The following KCNN2 variants were observed in gnomAD, a reference collection of about 807,000 sequenced individuals.
KCNN2 encodes small conductance calcium-activated potassium channel protein 2.
KCNN2 carries 24 observed loss-of-function variants against 55.5 expected under a neutral mutation model. That is an observed-to-expected ratio of 0.43 (90% confidence interval 0.31 to 0.61). The LOEUF is 0.61. Among genes scored for constraint, KCNN2 ranks in the 20% least tolerant of loss-of-function variants. The pLI, the probability that KCNN2 is intolerant of heterozygous loss-of-function variation, is 0.08. For missense variants in KCNN2, 754 were observed against 853.6 expected, an observed-to-expected ratio of 0.88 and a Z score of 1.45; for synonymous variants, 431 against 336.1, an observed-to-expected ratio of 1.28 and a Z score of -3.09.
intron 5 of KCNN2, among the ~76,000 whole-genome samples, chr5:114,477,100 A>ATTGT (rs1762004209): frequency 6.6e-6 from 1 of 152,192 alleles, no homozygotes; most frequent in Non-Finnish European, 1.5e-5. Flanking sequence ...GTTACTACAT[A>ATTGT]TTGTTAGAGA....
intron 2 of KCNN2, among the ~76,000 whole-genome samples, chr5:114,375,974 A>G (rs956035615): frequency 2.9e-5 from 4 of 139,238 alleles, no homozygotes; most frequent in Admixed American, 2.2e-4. Flanking sequence ...ATATATATAT[A>G]TATGTATTTT....
chr5:114,356,966 G>A (rs1757304579), intron 2 of KCNN2, among the ~76,000 whole-genome samples: 1 of 151,972 alleles, frequency 6.6e-6, no homozygotes, highest in Admixed American at 6.6e-5. Context: ...GTTCAGAGTG[G>A]CGGTGTCTCA....
intron 1 of KCNN2, among the ~76,000 whole-genome samples, chr5:114,057,798 G>C (rs1017724676): frequency 6.6e-6 from 1 of 152,164 alleles, no homozygotes; most frequent in African/African-American, 2.4e-5. Flanking sequence ...TGTATGAAGT[G>C]ATGGTTGTTA....
chr5:114,372,351 A>G (rs1408181554), intron 2 of KCNN2, among the ~76,000 whole-genome samples: 1 of 152,132 alleles, frequency 6.6e-6, no homozygotes, highest in African/African-American at 2.4e-5. Flanking sequence ...CTCATCCATG[A>G]TGTTTGAACT....
intron 1 of KCNN2, among the ~76,000 whole-genome samples, 179 bp from the exon 2 acceptor site, chr5:114,363,727 T>C (rs1008214930): frequency 6.6e-6 from 1 of 151,996 alleles, no homozygotes; most frequent in Admixed American, 6.5e-5. Flanking sequence ...TCTCGTCTCT[T>C]TTGGTTTTGA....
chr5:114,467,433 AATTTGACATTGGGTGTTT>A (rs1761505079), intron 4 of KCNN2, among the ~76,000 whole-genome samples: 1 of 152,192 alleles, frequency 6.6e-6, no homozygotes, highest in Non-Finnish European at 1.5e-5. Context: ...TGTCTTACAC[AATTTGACATTGGGTGTTT>A]AATTTTGAAG....
chr5:114,280,147 G>A (rs1370861987), intron 2 of KCNN2, among the ~76,000 whole-genome samples: 2 of 152,184 alleles, frequency 1.3e-5, no homozygotes, highest in Non-Finnish European at 2.9e-5. Flanking sequence ...TGATGGGGGT[G>A]TTTGAATTAT....
intron 2 of KCNN2, among the ~76,000 whole-genome samples, chr5:114,307,159 T>C (rs1756297011): frequency 6.6e-6 from 1 of 152,210 alleles, no homozygotes; most frequent in Non-Finnish European, 1.5e-5. Flanking sequence ...ATAATAAGAA[T>C]ATTTATTTAC....
At chr5:114,116,888 C>T (rs1430990305) in intron 1 of KCNN2, among the ~76,000 whole-genome samples, 1 of 152,034 alleles carries the variant, frequency 6.6e-6, no homozygotes, top group Non-Finnish European at 1.5e-5. Context: ...TGGACAGTTA[C>T]CCATTTCTGT....
chr5:114,392,806 G>GT (rs70976343), intron 2 of KCNN2, among the ~76,000 whole-genome samples: 200 of 140,484 alleles, frequency 1.4e-3, no homozygotes, highest in Middle Eastern at 7.4e-3. Flanking sequence ...TTTTTGTGGG[G>GT]TTTTTTTTTT....
chr5:114,253,955 A>C (rs1373594371), intron 2 of KCNN2, among the ~76,000 whole-genome samples: 1 of 152,206 alleles, frequency 6.6e-6, no homozygotes, highest in Admixed American at 6.5e-5. Context: ...CCTTTATTTC[A>C]TAAACAATTG....
At chr5:114,371,413 A>G (rs186824953) in intron 2 of KCNN2, among the ~76,000 whole-genome samples, 72 of 152,290 alleles carry the variant, frequency 4.7e-4, no homozygotes, top group Middle Eastern at 3.4e-3. Flanking sequence ...AGTAAGAAGT[A>G]GAAAAAAGAG....
intron 1 of KCNN2, among the ~76,000 whole-genome samples, chr5:114,147,011 TGA>T (rs1162830692): frequency 1.3e-5 from 2 of 152,298 alleles, no homozygotes; most frequent in African/African-American, 2.4e-5. Context: ...CTATATAAGC[TGA>T]GTCAGAGACA....
intron 3 of KCNN2, among the ~76,000 whole-genome samples, chr5:114,453,194 A>G (rs1041288402): frequency 3.3e-5 from 5 of 152,176 alleles, no homozygotes; most frequent in Non-Finnish European, 7.4e-5. Context: ...TGAGCTTACC[A>G]CATAGAAAAC....
intron 1 of KCNN2, among the ~76,000 whole-genome samples, chr5:114,161,999 G>A (rs1044159447): frequency 6.6e-6 from 1 of 152,164 alleles, no homozygotes; most frequent in African/African-American, 2.4e-5. Context: ...TCTTCTCTCA[G>A]CTCATGAAAG....
chr5:114,192,212 G>T (rs758845572), intron 1 of KCNN2, among the ~76,000 whole-genome samples: 1 of 152,004 alleles, frequency 6.6e-6, no homozygotes, highest in Non-Finnish European at 1.5e-5. Flanking sequence ...CTCACATTCC[G>T]TGTCTACCTC....
At chr5:114,378,833 G>A (rs1226053977) in intron 2 of KCNN2, among the ~76,000 whole-genome samples, 1 of 152,086 alleles carries the variant, frequency 6.6e-6, no homozygotes, top group African/African-American at 2.4e-5. Flanking sequence ...GTTTTATGTT[G>A]TGAAGAAAGT....
rs144605026 is a variant in KCNN2, at chr5:114,489,789, C to A, written c.2018+2612C>A. 1.6e-3 allele frequency among the ~76,000 whole-genome samples: 248 copies of A among 152,240 alleles called. 3 individuals carry two copies. The highest frequency in any genetic ancestry group is 5.6e-3 in the African/African-American group (231 of 41,558). The stretch of plus-strand genomic sequence containing the variant: ...TTCCTAAGGGCAAGGCTTCCATTGC[C>A]CACTGTGCAGATCCAGTGAGACCCT... On this transcript the variant is annotated intron_variant, in intron 6 of 7. Coordinates refer to ENST00000673685, the MANE Select transcript of KCNN2 (RefSeq NM_021614.4).
chr5:114,168,559 G>A (rs1472216202), intron 1 of KCNN2, among the ~76,000 whole-genome samples: 1 of 151,884 alleles, frequency 6.6e-6, no homozygotes, highest in African/African-American at 2.4e-5. Flanking sequence ...ATTTTGTTGA[G>A]AACAAGCTAA....
Sources: allele counts gnomAD v4.1 joint callset (sites outside exome capture counted in the v4.1 genomes callset), GRCh38; gene constraint gnomAD v4.1.1; transcripts MANE v1.5; gene names NCBI Gene and HGNC (gene_info 2026-07-23, HGNC 2026-07-21).